ATP6V0E1: variants seen among roughly 807,000 people sequenced by gnomAD.
The protein encoded by ATP6V0E1 is V-type proton ATPase subunit e 1.
A neutral mutation model predicts 11.6 loss-of-function variants in ATP6V0E1; 4 were observed. The ratio of observed to expected loss-of-function variants is 0.35; its 90% confidence interval spans 0.17 to 0.79. The LOEUF is 0.79. ATP6V0E1 is among the 30% of genes least tolerant of loss of function. The pLI, the probability that ATP6V0E1 is intolerant of heterozygous loss-of-function variation, is 0.54. For missense variants in ATP6V0E1, 105 were observed against 100.0 expected, an observed-to-expected ratio of 1.05 and a Z score of -0.21; for synonymous variants, 36 against 34.8, an observed-to-expected ratio of 1.04 and a Z score of -0.13.
intron 1 of ATP6V0E1, among the ~76,000 whole-genome samples, chr5:172,987,468 GAGA>G (rs1316397610): frequency 6.6e-6 from 1 of 151,968 alleles, no homozygotes; most frequent in Admixed American, 6.6e-5. Context: ...ATTTTCAGTA[GAGA>G]AGGGGTTTCA....
rs144613801 is a variant in ATP6V0E1, at chr5:172,985,597, A to T, written c.104+1633A>T. ...TTGTGTTTATATCTTCAACTGTTTC[A>T]TTACCCTACTGTCTGCCTTTATGGC... On this transcript the variant is annotated intron_variant, in intron 1 of 3. Transcript: ENST00000519374. Among the ~76,000 whole-genome samples the T allele has an allele frequency of 7.2e-5, 11 of 152,284 alleles. No homozygotes were observed. In the East Asian group the frequency reaches 2.1e-3, roughly 29 times the overall value.
At chr5:173,024,509 T>C (rs1756527630) in intron 3 of ATP6V0E1, among the ~76,000 whole-genome samples, 1 of 152,026 alleles carries the variant, frequency 6.6e-6, no homozygotes, top group Admixed American at 6.6e-5. Context: ...TCCAGGCCCC[T>C]CTTCTATATT....
At chr5:172,998,865 G>A (rs187777740) in intron 2 of ATP6V0E1, among the ~76,000 whole-genome samples, 7 of 152,240 alleles carry the variant, frequency 4.6e-5, no homozygotes, top group Admixed American at 2.6e-4. Flanking sequence ...TGGGGGCCGG[G>A]CGTGTTGGCT....
In ATP6V0E1 at chr5:172,983,960, C is replaced by T. The variant is rs1755843027; in HGVS notation, c.100C>T (p.Arg34Trp). 7 of 1,612,474 alleles carry T rather than the reference C, an allele frequency of 4.3e-6. No homozygotes were observed. In the East Asian group the frequency reaches 1.3e-4, roughly 31 times the overall value. The stretch of plus-strand genomic sequence containing the variant: ...TTGGTTCATCCCTAAGGGTCCTAAC[C>T]GGGGGTAAGTGCGTGAGGCCCGCCT... Reference protein sequence around the residue: ...VPWFIPKGPNRGVIITMLVTC... With the variant: ...VPWFIPKGPNWGVIITMLVTC... The change falls in exon 1 of 4, where the codon CGG becomes TGG. Residue 34 changes from arginine to tryptophan, a missense_variant. Transcript: ENST00000519374.
chr5:172,988,747 G>A (rs1290606371), intron 1 of ATP6V0E1, among the ~76,000 whole-genome samples: 1 of 152,084 alleles, frequency 6.6e-6, no homozygotes, highest in Non-Finnish European at 1.5e-5. Context: ...GGAGTGTGGT[G>A]GCACAATCTC....
Position 173,020,368 on chromosome 5 carries a change from G to T in ATP6V0E1, c.*36+1G>T. On this transcript the variant is annotated splice_donor_variant, in intron 3 of 3. Coordinates refer to ENST00000519374, the MANE Select transcript of ATP6V0E1 (RefSeq NM_003945.4). LOFTEE classifies it low-confidence loss of function (3UTR_SPLICE). ...TGCTCTACAGTGCTCAGTCTTTGAG[G>T]TGACTATGCTTGTGACCTTTCTTAT... 1 of 1,507,378 alleles carries T rather than the reference G, an allele frequency of 6.6e-7. No individual in the cohort carries two copies. The highest frequency in any genetic ancestry group is 9.2e-7 in the Non-Finnish European group (1 of 1,085,070). The allele number at this position is 1,507,378 out of a possible 1,614,324, so 93.4% of individuals were successfully genotyped here.
chr5:172,990,663 CT>C (rs1333697382), intron 1 of ATP6V0E1, among the ~76,000 whole-genome samples: 1 of 151,600 alleles, frequency 6.6e-6, no homozygotes, highest in East Asian at 1.9e-4. Context: ...CTCATCTCTA[CT>C]AAAAATACAA....
At chr5:173,016,295 C>T (rs749765214) in intron 2 of ATP6V0E1, among the ~76,000 whole-genome samples, 7 of 152,182 alleles carry the variant, frequency 4.6e-5, no homozygotes, top group African/African-American at 1.4e-4. Flanking sequence ...AGCTGGAGTC[C>T]GCTGCAGAAT....
intron 1 of ATP6V0E1, among the ~76,000 whole-genome samples, chr5:172,994,372 A>G (rs1756030273): frequency 6.6e-6 from 1 of 152,208 alleles, no homozygotes; most frequent in African/African-American, 2.4e-5. Flanking sequence ...TTTTTCAGAC[A>G]TGAATGGAGA....
intron 2 of ATP6V0E1, among the ~76,000 whole-genome samples, chr5:172,999,933 C>T (rs1371518275): frequency 3.9e-5 from 6 of 152,076 alleles, no homozygotes; most frequent in Middle Eastern, 3.2e-3. Flanking sequence ...AAAATGTGGA[C>T]GGAATTCAAA....
intron 3 of ATP6V0E1, among the ~76,000 whole-genome samples, chr5:173,023,623 T>G (rs1169498215): frequency 6.6e-6 from 1 of 152,182 alleles, no homozygotes; most frequent in Non-Finnish European, 1.5e-5. Context: ...GGCAGGCAGA[T>G]CACTTGAGCC....
chr5:173,016,488 A>C lies in ATP6V0E1; in HGVS notation c.153-3750A>C, dbSNP rs373064277. Reference sequence around the variant, plus strand: ...TTATAATTTGCAGCTGGGGAGGAGAACCACTCCGCTACAACATCCTACAAA... The same window carrying C: ...TTATAATTTGCAGCTGGGGAGGAGACCCACTCCGCTACAACATCCTACAAA... On this transcript the variant is annotated intron_variant, in intron 2 of 3. Transcript: ENST00000519374. Among the ~76,000 whole-genome samples, 5 of 152,200 alleles carry C rather than the reference A, an allele frequency of 3.3e-5. No homozygotes were observed. The East Asian group carries it at 5.8e-4, about 18-fold the overall frequency.
chr5:173,019,894 A>T (rs1315591949), intron 2 of ATP6V0E1, among the ~76,000 whole-genome samples: 1 of 152,176 alleles, frequency 6.6e-6, no homozygotes, highest in Non-Finnish European at 1.5e-5. Context: ...GGAAGTTGTG[A>T]TGATGATAAA....
At chr5:173,018,162 A>C (rs1756431568) in intron 2 of ATP6V0E1, among the ~76,000 whole-genome samples, 2 of 152,238 alleles carry the variant, frequency 1.3e-5, no homozygotes, top group African/African-American at 4.8e-5. Context: ...CAGGAGCTTT[A>C]CCAATAACAT....
chr5:173,020,878 T>C (rs1756472408), intron 3 of ATP6V0E1: 3 of 519,048 alleles, frequency 5.8e-6, no homozygotes, highest in South Asian at 4.2e-5. Flanking sequence ...TCCCCGAGAG[T>C]GTGCTAAGCA....
intron 2 of ATP6V0E1, among the ~76,000 whole-genome samples, chr5:173,018,405 G>A (rs1431429523): frequency 6.6e-6 from 1 of 152,166 alleles, no homozygotes; most frequent in African/African-American, 2.4e-5. Context: ...GTGTGGTAGA[G>A]GCAGAAGAGG....
chr5:172,999,958 CA>C (rs1323213822), intron 2 of ATP6V0E1, among the ~76,000 whole-genome samples: 1 of 152,144 alleles, frequency 6.6e-6, no homozygotes, highest in Non-Finnish European at 1.5e-5. Context: ...AAATATTTTA[CA>C]CACCTTATTC....
At chr5:173,023,059 CT>C (rs907126531) in intron 3 of ATP6V0E1, among the ~76,000 whole-genome samples, 1 of 152,062 alleles carries the variant, frequency 6.6e-6, no homozygotes, top group Non-Finnish European at 1.5e-5. Flanking sequence ...GTCTCACCAT[CT>C]TGCCTAAGTT....
intron 1 of ATP6V0E1, among the ~76,000 whole-genome samples, chr5:172,985,244 C>CA (rs59381222): frequency 0.012 from 1,053 of 89,092 alleles, 10 homozygotes; most frequent in Middle Eastern, 0.029. Flanking sequence ...GACTCCGTCT[C>CA]AAAAAAAAAA....
Sources: allele counts gnomAD v4.1 joint callset (sites outside exome capture counted in the v4.1 genomes callset), GRCh38; gene constraint gnomAD v4.1.1; transcripts MANE v1.5; gene names NCBI Gene and HGNC (gene_info 2026-07-23, HGNC 2026-07-21).